Variants in SEC22A observed in about 807,000 individuals in gnomAD.
SEC22A encodes the protein vesicle-trafficking protein SEC22a.
In SEC22A, 22 loss-of-function variants were observed where a neutral mutation model predicts 35.3. The ratio of observed to expected loss-of-function variants is 0.62; its 90% CI spans 0.45 to 0.89. The LOEUF (loss-of-function observed/expected upper bound fraction) is 0.89. Ranked by LOEUF, SEC22A falls within the 40% of genes least tolerant of loss-of-function variation. SEC22A has a pLI of 0.00. For synonymous variants in SEC22A, 119 were observed against 129.5 expected, an observed-to-expected ratio of 0.92 and a Z score of 0.55; for missense variants, 354 against 362.5, an observed-to-expected ratio of 0.98 and a Z score of 0.19.
chr3:123,239,660 C>T (rs1937490528), intron 4 of SEC22A, among the ~76,000 whole-genome samples: 1 of 152,082 alleles, frequency 6.6e-6, no homozygotes, highest in Non-Finnish European at 1.5e-5. Flanking sequence ...CCTTCGCCCA[C>T]TTTTTGATGG....
At chr3:123,234,906 C>T (rs994016651) in intron 4 of SEC22A, among the ~76,000 whole-genome samples, 12 of 152,082 alleles carry the variant, frequency 7.9e-5, no homozygotes, top group African/African-American at 2.9e-4. Context: ...GCCTGTAGTC[C>T]CAGCTACTCG....
Position 123,245,893 on chromosome 3 carries a change from T to C in SEC22A, c.542-6T>C. On this transcript the variant is annotated splice_region_variant and splice_polypyrimidine_tract_variant and intron_variant, in intron 4 of 6. Transcript: ENST00000492595. The stretch of plus-strand genomic sequence containing the variant: ...TTCATTTCTAACTATTTCTTTTATT[T>C]TCCAGCTCACCAGCGACTGGAACCA... 6.5e-7 allele frequency: 1 copy of C among 1,538,466 alleles called. No individual in the cohort carries two copies. Among genetic ancestry groups the C allele is most frequent in the South Asian group, 1.1e-5 (1 of 88,144 alleles).
intron 5 of SEC22A, among the ~76,000 whole-genome samples, chr3:123,252,314 T>C (rs1432831300): frequency 2.6e-5 from 4 of 152,128 alleles, no homozygotes; most frequent in Admixed American, 6.5e-5. Context: ...AAGGTAGAAC[T>C]TTCTGAGGTA....
At chr3:123,229,347 A>G (rs1326147774) in intron 4 of SEC22A, among the ~76,000 whole-genome samples, 2 of 152,242 alleles carry the variant, frequency 1.3e-5, no homozygotes, top group Non-Finnish European at 2.9e-5. Context: ...GTGAACCTCA[A>G]TAAGATTAAC....
At chr3:123,209,708 A>T (rs1006690849) in intron 2 of SEC22A, among the ~76,000 whole-genome samples, 1 of 150,480 alleles carries the variant, frequency 6.6e-6, no homozygotes, top group Non-Finnish European at 1.5e-5. Context: ...GGAAATAAAA[A>T]TTTTTTACCT....
At chr3:123,235,295 C>G (rs1382471345) in intron 4 of SEC22A, among the ~76,000 whole-genome samples, 1 of 152,114 alleles carries the variant, frequency 6.6e-6, no homozygotes, top group East Asian at 1.9e-4. Flanking sequence ...TGATGAGGAA[C>G]TAGTATCTAG....
intron 4 of SEC22A, among the ~76,000 whole-genome samples, chr3:123,235,150 C>G (rs1191392725): frequency 6.6e-6 from 1 of 152,148 alleles, no homozygotes; most frequent in Non-Finnish European, 1.5e-5. Flanking sequence ...ACCTCAGGCT[C>G]TAGAGTAGTC....
In SEC22A at chr3:123,266,381, A is replaced by T. The variant is rs189187010; in HGVS notation, c.724-5141A>T. Among the ~76,000 whole-genome samples, 24 of 152,024 alleles carry T rather than the reference A, an allele frequency of 1.6e-4. No individual in the cohort carries two copies. The East Asian group carries it at 3.5e-3, about 22-fold the overall frequency. ...GGTTCTTGAAGTAGGAGCTTACATG[A>T]TTGGTTGAGAATTTTCTTTTTTATA... On this transcript the variant is annotated intron_variant, in intron 6 of 6. Coordinates refer to ENST00000492595, the MANE Select transcript of SEC22A (RefSeq NM_012430.5).
At chr3:123,263,035 A>G (rs1278316640) in intron 6 of SEC22A, among the ~76,000 whole-genome samples, 2 of 152,148 alleles carry the variant, frequency 1.3e-5, no homozygotes, top group Non-Finnish European at 2.9e-5. Flanking sequence ...GGGATCCCTC[A>G]TGTTGCCTTT....
intron 1 of SEC22A, among the ~76,000 whole-genome samples, chr3:123,206,176 T>C (rs1936848900): frequency 6.6e-6 from 1 of 152,158 alleles, no homozygotes; most frequent in South Asian, 2.1e-4. Flanking sequence ...GGCACAATCA[T>C]AGCTCACCAT....
chr3:123,225,081 A>G, intron 3 of SEC22A, 22 bp from the exon 4 acceptor site: 1 of 1,492,208 alleles, frequency 6.7e-7, no homozygotes, highest in Non-Finnish European at 9.2e-7. Context: ...CTGCAAGGAA[A>G]TTTATTTTTT....
intron 6 of SEC22A, among the ~76,000 whole-genome samples, chr3:123,260,247 G>A (rs557320177): frequency 6.7e-6 from 1 of 149,908 alleles, no homozygotes; most frequent in East Asian, 2.0e-4. Context: ...TGTATTGGAG[G>A]GAAGTTTTTG....
intron 4 of SEC22A, among the ~76,000 whole-genome samples, chr3:123,236,967 A>T (rs1937434788): frequency 6.6e-6 from 1 of 152,234 alleles, no homozygotes. Context: ...AAAAGAATGA[A>T]GTGGCAAGAA....
At chr3:123,202,412 G>T (rs1180636492) in intron 1 of SEC22A, among the ~76,000 whole-genome samples, 1 of 152,166 alleles carries the variant, frequency 6.6e-6, no homozygotes, top group East Asian at 1.9e-4. Context: ...GCTTGAGGTG[G>T]CATTTCCTAT....
intron 6 of SEC22A, among the ~76,000 whole-genome samples, chr3:123,267,311 G>T (rs1938049431): frequency 6.7e-6 from 1 of 150,104 alleles, no homozygotes; most frequent in Non-Finnish European, 1.5e-5. Flanking sequence ...TCTTCCTGTG[G>T]GTTACTTTAA....
intron 5 of SEC22A, among the ~76,000 whole-genome samples, chr3:123,251,482 T>C (rs1487358842): frequency 6.6e-6 from 1 of 152,174 alleles, no homozygotes; most frequent in Non-Finnish European, 1.5e-5. Context: ...AATGAGGGCA[T>C]TGGTACCTGC....
chr3:123,231,966 C>T (rs145982486), intron 4 of SEC22A, among the ~76,000 whole-genome samples: 68 of 152,284 alleles, frequency 4.5e-4, no homozygotes, highest in African/African-American at 1.4e-3. Flanking sequence ...GGGCCAGGCA[C>T]GGTGGCTCAT....
chr3:123,246,458 G>A (rs992250364), intron 5 of SEC22A, among the ~76,000 whole-genome samples: 4 of 152,190 alleles, frequency 2.6e-5, no homozygotes, highest in East Asian at 1.9e-4. Context: ...GAGGGCACAC[G>A]TGGGCTGTGT....
intron 4 of SEC22A, among the ~76,000 whole-genome samples, chr3:123,245,537 A>G (rs1442064711): frequency 6.9e-6 from 1 of 144,940 alleles, no homozygotes; most frequent in African/African-American, 2.5e-5. Context: ...TCTATAAACA[A>G]TTCAAGAAAA....
Sources: gnomAD v4.1 joint callset for allele counts (sites outside exome capture counted in the v4.1 genomes callset) on GRCh38, gnomAD v4.1.1 for gene constraint, MANE v1.5 for transcripts, NCBI Gene and HGNC (gene_info 2026-07-23, HGNC 2026-07-21) for gene names.